KALRN: variants seen among roughly 807,000 people sequenced by gnomAD.
KALRN encodes kalirin RhoGEF kinase, also known as kalirin.
In KALRN, 70 loss-of-function variants were observed where a neutral mutation model predicts 353.7. That is an observed-to-expected ratio of 0.20 (90% CI 0.16 to 0.24). KALRN has a LOEUF of 0.24. KALRN is among the 10% of genes least tolerant of loss of function. The pLI, the probability that KALRN is intolerant of heterozygous loss-of-function variation, is 1.00. For synonymous variants in KALRN, 1,391 were observed against 1,434.8 expected (o/e 0.97, Z 0.69); for missense variants, 2,791 against 3,756.7 (o/e 0.74, Z 6.72).
chr3:124,486,190 G>C (rs2062552301), intron 28 of KALRN, among the ~76,000 whole-genome samples: 1 of 152,118 alleles, frequency 6.6e-6, no homozygotes, highest in Non-Finnish European at 1.5e-5. Context: ...AGTATAGCAA[G>C]GATCAGGGAA....
At chr3:124,205,400 G>T (rs900925860) in intron 1 of KALRN, among the ~76,000 whole-genome samples, 2 of 152,186 alleles carry the variant, frequency 1.3e-5, no homozygotes, top group African/African-American at 4.8e-5. Context: ...CGCTCTCGCA[G>T]CTCCTACTTG....
Position 124,384,904 on chromosome 3 carries a change from G to A in KALRN, c.1830G>A (p.Gly610=), listed in dbSNP as rs1290370110. 1 of 1,613,080 alleles carries A rather than the reference G, an allele frequency of 6.2e-7. No individual in the cohort carries two copies. The highest frequency in any genetic ancestry group is 8.5e-7 in the Non-Finnish European group (1 of 1,179,582). Residue 610 remains glycine (G), a synonymous_variant, in exon 11 of 60, where the codon GGG becomes GGA. Transcript: ENST00000682506. ...CAGCAGAGCAGTTGGCTCAGACGGG[G>A]GAATGTGACCCCGAGGAGATCTACA... ...LEAAEQLAQT[G]ECDPEEIYKA... is the part of the protein sequence containing the mutation.
intron 25 of KALRN, among the ~76,000 whole-genome samples, chr3:124,469,037 T>G (rs1260162766): frequency 1.3e-5 from 2 of 152,266 alleles, no homozygotes; most frequent in Non-Finnish European, 2.9e-5. Context: ...CATGCCTGGT[T>G]GCTAAACACC....
chr3:124,499,883 G>C (rs893484000), intron 33 of KALRN, among the ~76,000 whole-genome samples: 12 of 152,234 alleles, frequency 7.9e-5, no homozygotes, highest in Non-Finnish European at 1.8e-4. Flanking sequence ...CTCAGTTTCT[G>C]TGTCTGTTCC....
intron 33 of KALRN, among the ~76,000 whole-genome samples, chr3:124,499,005 G>A (rs1426033018): frequency 6.6e-6 from 1 of 152,102 alleles, no homozygotes; most frequent in Non-Finnish European, 1.5e-5. Context: ...CAACAGAAGG[G>A]CAAACAAGGG....
intron 33 of KALRN, among the ~76,000 whole-genome samples, chr3:124,510,220 A>G (rs1157854033): frequency 6.6e-6 from 1 of 152,212 alleles, no homozygotes. Flanking sequence ...AAGATCAGAG[A>G]ATGTTCCACG....
Position 124,287,805 on chromosome 3 carries a change from ATATATATATATATATATATATG to A in KALRN, c.970-10979_970-10958del, listed in dbSNP as rs1240306393. On this transcript the variant is annotated intron_variant, in intron 5 of 59. Transcript: ENST00000682506. ...TATATATATATATATATATATATATATATATATATATATATATATATGTATATAATTTTTATATATTTAATTT... is the reference window on the plus strand; with the variant it reads ...TATATATATATATATATATATATATATATATAATTTTTATATATTTAATTT... Among the ~76,000 whole-genome samples, 43 of 21,276 alleles carry A rather than the reference ATATATATATATATATATATATG, an allele frequency of 2.0e-3. 1 individual carries two copies. The highest frequency in any genetic ancestry group is 9.4e-4 in the Admixed American group (2 of 2,124). The allele number at this position is 21,276 out of a possible 152,430, so 14.0% of individuals were successfully genotyped here.
At chr3:124,318,514 A>G (rs914386713) in intron 6 of KALRN, among the ~76,000 whole-genome samples, 4 of 152,220 alleles carry the variant, frequency 2.6e-5, no homozygotes, top group African/African-American at 9.6e-5. Context: ...TCATAAACTA[A>G]TGATTTAACA....
intron 10 of KALRN, among the ~76,000 whole-genome samples, chr3:124,354,917 AG>A (rs2083223820): frequency 6.6e-6 from 1 of 152,256 alleles, no homozygotes. Context: ...AGAGGAACAC[AG>A]AAATGAGCCA....
intron 33 of KALRN, among the ~76,000 whole-genome samples, chr3:124,536,648 G>T (rs2068546617): frequency 6.6e-6 from 1 of 152,118 alleles, no homozygotes; most frequent in Non-Finnish European, 1.5e-5. Flanking sequence ...GTATAGCAAA[G>T]GTATCCTTGA....
chr3:124,624,297 C>T (rs531650463), intron 34 of KALRN, among the ~76,000 whole-genome samples: 26 of 152,302 alleles, frequency 1.7e-4, no homozygotes, highest in African/African-American at 6.3e-4. Flanking sequence ...GCTCCCAAAG[C>T]GCAAGAGTAG....
At chr3:124,435,236 C>T (rs1419080410) in intron 17 of KALRN, among the ~76,000 whole-genome samples, 3 of 152,196 alleles carry the variant, frequency 2.0e-5, no homozygotes, top group Admixed American at 2.0e-4. Context: ...AGGCATTATG[C>T]ACTACTTGAA....
chr3:124,083,927 T>C (rs1259288527), intron 1 of KALRN, among the ~76,000 whole-genome samples: 3 of 152,252 alleles, frequency 2.0e-5, no homozygotes, highest in African/African-American at 7.2e-5. Flanking sequence ...GGTTTTGTTA[T>C]GTCTCATCCT....
chr3:124,064,661 T>C (rs977171978), intron 1 of KALRN, among the ~76,000 whole-genome samples: 3 of 152,158 alleles, frequency 2.0e-5, no homozygotes, highest in Non-Finnish European at 4.4e-5. Context: ...CTGGTCATTG[T>C]ATGAGCAGAT....
chr3:124,495,729 TA>T (rs1170201040), intron 32 of KALRN, among the ~76,000 whole-genome samples: 346 of 68,232 alleles, frequency 5.1e-3, no homozygotes, highest in South Asian at 0.014. Context: ...GACTCCATCT[TA>T]AAAAAAAAAA....
chr3:124,493,004 T>A lies in KALRN; in HGVS notation c.4832+122T>A, dbSNP rs1377551916. ...AGGTGGCACTCTCCAGGAAGGCCTG[T>A]GAGTTCTACCTAGGATGAGTCATCT... On this transcript the variant is annotated intron_variant, in intron 32 of 59. Transcript: ENST00000682506. 1.1e-5 allele frequency: 12 copies of A among 1,090,754 alleles called. No homozygotes were observed. The East Asian group carries it at 2.8e-4, about 25-fold the overall frequency. 67.6% of individuals were successfully genotyped at this position (1,090,754 alleles called of 1,614,324 possible). A position where few individuals can be genotyped will look rare whatever the true frequency, so the allele number is the denominator to read the frequency against.
chr3:124,467,720 C>T (rs2060480873), intron 25 of KALRN, among the ~76,000 whole-genome samples: 1 of 152,136 alleles, frequency 6.6e-6, no homozygotes, highest in South Asian at 2.1e-4. Context: ...GGTCTTCTCA[C>T]ATCCATGTCT....
At chr3:124,248,436 G>A (rs1030878113) in intron 3 of KALRN, among the ~76,000 whole-genome samples, 1 of 152,220 alleles carries the variant, frequency 6.6e-6, no homozygotes. Flanking sequence ...AGAGCCTTCT[G>A]CCAGGGGACG....
chr3:124,411,536 G>A (rs2092159101), intron 13 of KALRN, among the ~76,000 whole-genome samples: 1 of 139,634 alleles, frequency 7.2e-6, no homozygotes, highest in African/African-American at 2.7e-5. Flanking sequence ...TGAACTCCTG[G>A]GCTCAAGTGA....
Sources: gnomAD v4.1 joint callset for allele counts (sites outside exome capture counted in the v4.1 genomes callset) on GRCh38, gnomAD v4.1.1 for gene constraint, MANE v1.5 for transcripts, NCBI Gene and HGNC (gene_info 2026-07-23, HGNC 2026-07-21) for gene names.